ZNF30: variants seen among roughly 807,000 people sequenced by gnomAD.
ZNF30 encodes the protein zinc finger protein 30, also known as zinc finger protein 30 (KOX 28).
A neutral mutation model predicts 13.2 loss-of-function variants in ZNF30; 15 were observed. The ratio of observed to expected loss-of-function variants is 1.13; its 90% CI spans 0.76 to 1.75. The LOEUF is 1.75. ZNF30 is among the 40% of genes most tolerant of loss of function. The pLI is 0.00. For missense variants in ZNF30, 726 were observed against 757.0 expected, an observed-to-expected ratio of 0.96 and a Z score of 0.48; for synonymous variants, 223 against 256.6, an observed-to-expected ratio of 0.87 and a Z score of 1.25.
At chr19:34,941,572 T>A (rs2151674308) in intron 4 of ZNF30, among the ~76,000 whole-genome samples, 1 of 152,320 alleles carries the variant, frequency 6.6e-6, no homozygotes, top group East Asian at 1.9e-4. Flanking sequence ...GACTGAAGTT[T>A]TTTGACACAA....
chr19:34,932,046 C>G, intron 3 of ZNF30, 53 bp downstream of exon 3: 3 of 1,462,206 alleles, frequency 2.1e-6, no homozygotes, highest in Non-Finnish European at 1.8e-6. Context: ...TATACTTTCT[C>G]CTTTGCAGAT....
chr19:34,926,438 A>G (rs1245356311), upstream of ZNF30, among the ~76,000 whole-genome samples: 1 of 152,224 alleles, frequency 6.6e-6, no homozygotes, highest in East Asian at 1.9e-4. Flanking sequence ...TCCTTTTAAA[A>G]GGTCTTACAT....
chr19:34,928,223 ATATATATATATAT>A (rs2012206298), intron 1 of ZNF30, among the ~76,000 whole-genome samples: 11 of 51,326 alleles, frequency 2.1e-4, no homozygotes, highest in African/African-American at 2.9e-4. Flanking sequence ...AAAAAAAAAT[ATATATATATATAT>A]ATATATATAT....
Position 34,928,244 on chromosome 19 carries a change from T to TAGATAG in ZNF30, c.-65+1029_-65+1030insGATAGA, listed in dbSNP as rs71165692. On this transcript the variant is annotated intron_variant, in intron 1 of 4. Coordinates refer to ENST00000601142, the MANE Select transcript of ZNF30 (RefSeq NM_194325.3). ...AAATATATATATATATATATATATATATATATATATAGATAGATAGATAGA... is the reference window on the plus strand; with the variant it reads ...AAATATATATATATATATATATATATAGATAGATATATATATAGATAGATAGATAGA... Among the ~76,000 whole-genome samples, 10 of 54,350 alleles carry TAGATAG rather than the reference T, an allele frequency of 1.8e-4. No individual in the cohort carries two copies. In the East Asian group the frequency reaches 2.7e-3, roughly 15 times the overall value. 35.7% of individuals were successfully genotyped at this position (54,350 alleles called of 152,430 possible). A position where few individuals can be genotyped will look rare whatever the true frequency, so the allele number is the denominator to read the frequency against.
At chr19:34,941,493 G>A (rs2013047302) in intron 4 of ZNF30, among the ~76,000 whole-genome samples, 2 of 152,202 alleles carry the variant, frequency 1.3e-5, no homozygotes, top group East Asian at 3.8e-4. Flanking sequence ...TTGAACTCCT[G>A]ACTTCATGAT....
At position 34,943,514 on chromosome 19, in the gene ZNF30, A is replaced by C; in HGVS notation, c.548A>C (p.Lys183Thr). Reference protein sequence around the residue: ...EKPYKYEKCGKAFISGSAFVK... With the variant: ...EKPYKYEKCGTAFISGSAFVK... ...CCCTATAAATATGAAAAATGTGGGA[A>C]GGCCTTTATCAGTGGCTCAGCCTTT... The change falls in exon 5 of 5, where the codon AAG (lysine) becomes ACG (threonine). Residue 183 changes from lysine (K) to threonine (T), a missense_variant. Transcript: ENST00000601142. 1 of 1,613,760 alleles carries C rather than the reference A, an allele frequency of 6.2e-7. No homozygotes were observed. Among genetic ancestry groups the C allele is most frequent in the Non-Finnish European group, 8.5e-7 (1 of 1,179,776 alleles).
rs1293372297 is a variant in ZNF30, at chr19:34,944,118, C to G, written c.1152C>G (p.Ala384=). The change falls in exon 5 of 5, where the codon GCC becomes GCG. Residue 384 remains alanine, a synonymous_variant. Transcript: ENST00000601142. ...CKECGRTFSR[A]SYLVQHGRLH... ...AATGCGGGAGAACCTTCAGTCGTGC[C>G]TCATATCTTGTTCAACATGGAAGAC... The G allele has an allele frequency of 6.2e-7, 1 of 1,613,650 alleles. No individual in the cohort carries two copies.
At chr19:34,934,547 G>C (rs111907830) in intron 4 of ZNF30, among the ~76,000 whole-genome samples, 1,567 of 152,240 alleles carry the variant, frequency 0.01, 31 homozygotes, top group African/African-American at 0.036. Context: ...TTACAGGTAT[G>C]AGCCATCGTG....
chr19:34,938,861 G>T (rs996343468), intron 4 of ZNF30, among the ~76,000 whole-genome samples: 1 of 152,094 alleles, frequency 6.6e-6, no homozygotes, highest in Admixed American at 6.6e-5. Flanking sequence ...GGATACACTC[G>T]CATAGCCCTC....
In ZNF30 at chr19:34,944,292, G is replaced by C. The variant is rs751569433; in HGVS notation, c.1326G>C (p.Gln442His). 6 of 1,612,876 alleles carry C rather than the reference G, an allele frequency of 3.7e-6. No homozygotes were observed. Among genetic ancestry groups the C allele is most frequent in the Non-Finnish European group, 5.1e-6 (6 of 1,179,746 alleles). The change falls in exon 5 of 5, where the codon CAG becomes CAC. Residue 442 changes from glutamine (Q) to histidine (H), a missense_variant. Gln to His is a conservative substitution (Grantham distance 24, BLOSUM62 0). Coordinates refer to ENST00000601142, the MANE Select transcript of ZNF30 (RefSeq NM_194325.3). ...GCAAAGCCTTTATTAGTCGCCATCA[G>C]CTTACCGTACATCAAAGGGTTCATA... ...ECGKAFISRHQLTVHQRVHTG... is the reference protein window; with the variant it reads ...ECGKAFISRHHLTVHQRVHTG...
intron 4 of ZNF30, among the ~76,000 whole-genome samples, chr19:34,934,706 T>C (rs1415520007): frequency 1.3e-5 from 2 of 152,174 alleles, no homozygotes; most frequent in African/African-American, 2.4e-5. Context: ...GATGAGTTAT[T>C]ATGAGGCAGA....
In ZNF30 at chr19:34,944,532, TTCTGGC is replaced by T. The variant is rs775220832; in HGVS notation, c.1569_1574del (p.Gly524_Ser525del). ...GTAAGGAGTGTGGCAAGGCCTTCAG[TTCTGGC>T]TCATACCTTGTTCAGCATCAAAGAA... On this transcript the variant is annotated inframe_deletion, in exon 5 of 5. Coordinates refer to ENST00000601142, the MANE Select transcript of ZNF30 (RefSeq NM_194325.3). The T allele has an allele frequency of 1.2e-6, 2 of 1,614,126 alleles. No individual in the cohort carries two copies. The highest frequency in any genetic ancestry group is 1.7e-6 in the Non-Finnish European group (2 of 1,180,002).
At chr19:34,936,152 G>A (rs2546003) in intron 4 of ZNF30, among the ~76,000 whole-genome samples, 65,296 of 152,000 alleles carry the variant, frequency 0.43, 15,565 homozygotes, top group African/African-American at 0.65. Flanking sequence ...TGGGGACACA[G>A]CCAAACCCTA....
Position 34,944,470 on chromosome 19 carries a change from C to T in ZNF30, c.1504C>T (p.His502Tyr), listed in dbSNP as rs1303467781. 2 of 1,613,612 alleles carry T rather than the reference C, an allele frequency of 1.2e-6. No individual in the cohort carries two copies. The highest frequency in any genetic ancestry group is 2.7e-5 in the African/African-American group (2 of 74,762). The change falls in exon 5 of 5, where the codon CAT (histidine) becomes TAT (tyrosine). Residue 502 changes from histidine to tyrosine, a missense_variant. By Grantham distance (83) the His-to-Tyr change is moderately conservative. Coordinates refer to ENST00000601142, the MANE Select transcript of ZNF30 (RefSeq NM_194325.3). ...TAGTCGAGCCTCGTACCTTGTACAA[C>T]ATAGCAGAATCCATACTGGTAAGAA... ...TFSRASYLVQHSRIHTGKKPY... is the reference protein window; with the variant it reads ...TFSRASYLVQYSRIHTGKKPY...
At chr19:34,940,667 C>CAAAAAAAAAA (rs59553578) in intron 4 of ZNF30, among the ~76,000 whole-genome samples, 6 of 63,910 alleles carry the variant, frequency 9.4e-5, no homozygotes, top group South Asian at 4.8e-4. Flanking sequence ...GACTCCGTCT[C>CAAAAAAAAAA]AAAAAAAAAA....
intron 4 of ZNF30, chr19:34,942,765 G>A: frequency 2.0e-6 from 1 of 494,420 alleles, no homozygotes; most frequent in East Asian, 7.6e-5. Context: ...TGAGGTCTGA[G>A]AGGTGAGCAG....
At chr19:34,933,408 G>A (rs116782139) in intron 3 of ZNF30, among the ~76,000 whole-genome samples, 1,842 of 152,168 alleles carry the variant, frequency 0.012, 37 homozygotes, top group African/African-American at 0.042. Context: ...AGCTGAGATC[G>A]CACACTGCAC....
At chr19:34,925,493 G>A (rs958120664), upstream of ZNF30, among the ~76,000 whole-genome samples, 1 of 152,228 alleles carries the variant, frequency 6.6e-6, no homozygotes, top group Admixed American at 6.5e-5. Flanking sequence ...CCGCGTGCCA[G>A]CGTCTGTCAT....
intron 4 of ZNF30, among the ~76,000 whole-genome samples, chr19:34,941,969 T>G (rs1200330130): frequency 1.3e-5 from 2 of 152,226 alleles, no homozygotes; most frequent in Admixed American, 6.5e-5. Flanking sequence ...CCCCACATTA[T>G]TGAGTATGTT....
Sources: allele counts gnomAD v4.1 joint callset (sites outside exome capture counted in the v4.1 genomes callset), GRCh38; gene constraint gnomAD v4.1.1; transcripts MANE v1.5; gene names NCBI Gene and HGNC (gene_info 2026-07-23, HGNC 2026-07-21).